The following PTGER4 variants were observed in gnomAD, a reference collection of about 807,000 sequenced individuals.
PTGER4 encodes the protein prostaglandin E2 receptor EP4 subtype.
PTGER4 carries 11 observed loss-of-function variants against 33.2 expected under a neutral mutation model. The ratio of observed to expected loss-of-function variants is 0.33; its 90% CI spans 0.21 to 0.55. The LOEUF is 0.55. PTGER4 is among the 20% of genes least tolerant of loss of function. The pLI is 0.92. For synonymous variants in PTGER4, 275 were observed against 281.5 expected (o/e 0.98, Z 0.23); for missense variants, 481 against 650.2 (o/e 0.74, Z 2.83).
chr5:40,690,280 C>T (rs1162387541), intron 2 of PTGER4, among the ~76,000 whole-genome samples: 1 of 152,172 alleles, frequency 6.6e-6, no homozygotes, highest in Non-Finnish European at 1.5e-5. Flanking sequence ...GTCAAGGCTG[C>T]AGTGAGCAAT....
At position 40,680,861 on chromosome 5, in the gene PTGER4, T is replaced by A. The variant is rs1264992604; in HGVS notation, c.-43-90T>A. On this transcript the variant is annotated intron_variant, in intron 1 of 2. Transcript: ENST00000302472. This position sits in a 1 kb window ranked among gnomAD's most constrained non-coding sequence, Gnocchi z 5.5. ...GGATCGAGTTGCTCCCCTTGTCTTA[T>A]CAGTGTATCGTTTCTCGGGCGCGGG... 13 of 1,140,570 alleles carry A rather than the reference T, an allele frequency of 1.1e-5. No individual in the cohort carries two copies. The Admixed American group carries it at 2.5e-4, about 22-fold the overall frequency. 70.7% of individuals were successfully genotyped at this position (1,140,570 alleles called of 1,614,324 possible).
chr5:40,700,664 C>A, the PTGER4 span, among the ~76,000 whole-genome samples: 1 of 152,198 alleles, frequency 6.6e-6, no homozygotes, highest in African/African-American at 2.4e-5. Context: ...TCTTCCTCTG[C>A]TGACTCTATG....
the PTGER4 span, among the ~76,000 whole-genome samples, chr5:40,729,557 T>C: frequency 6.6e-6 from 1 of 152,242 alleles, no homozygotes; most frequent in Non-Finnish European, 1.5e-5. Flanking sequence ...AAGCCATTTT[T>C]AGAAATATCT....
chr5:40,722,523 G>A, the PTGER4 span, among the ~76,000 whole-genome samples: 3 of 149,742 alleles, frequency 2.0e-5, no homozygotes, highest in Non-Finnish European at 4.4e-5. Context: ...CCACCTCCCC[G>A]TCTGGAATGT....
At chr5:40,693,927 T>A (rs1741531015), downstream of PTGER4, among the ~76,000 whole-genome samples, 1 of 152,216 alleles carries the variant, frequency 6.6e-6, no homozygotes, top group African/African-American at 2.4e-5. Context: ...CTCCAGTTTG[T>A]ATGGGTGATG....
At chr5:40,734,032 A>G in the PTGER4 span, among the ~76,000 whole-genome samples, 1 of 152,228 alleles carries the variant, frequency 6.6e-6, no homozygotes, top group Admixed American at 6.5e-5. Flanking sequence ...GCATCCCTCA[A>G]TGAAATGTGC....
chr5:40,700,420 C>A, the PTGER4 span, among the ~76,000 whole-genome samples: 1 of 152,216 alleles, frequency 6.6e-6, no homozygotes, highest in Admixed American at 6.5e-5. Flanking sequence ...CTTGGACTAA[C>A]GAAGGAGCAA....
chr5:40,738,545 AATAAAATAAAATAAAATAAAAT>A, the PTGER4 span, among the ~76,000 whole-genome samples: 4 of 124,040 alleles, frequency 3.2e-5, no homozygotes, highest in Non-Finnish European at 6.8e-5. Flanking sequence ...AATACAATAA[AATAAAATAAAATAAAATAAAAT>A]ATAAAATAAA....
the PTGER4 span, among the ~76,000 whole-genome samples, chr5:40,708,755 C>T: frequency 6.6e-6 from 1 of 152,058 alleles, no homozygotes; most frequent in Admixed American, 6.6e-5. Flanking sequence ...ACCAATATCC[C>T]TGATGAACAT....
the PTGER4 span, among the ~76,000 whole-genome samples, chr5:40,744,949 C>G: frequency 6.6e-6 from 1 of 152,096 alleles, no homozygotes; most frequent in Non-Finnish European, 1.5e-5. Flanking sequence ...ATGTTACCTA[C>G]GACATATACT....
downstream of PTGER4, among the ~76,000 whole-genome samples, chr5:40,693,910 T>G (rs573086432): frequency 1.3e-5 from 2 of 152,202 alleles, no homozygotes; most frequent in African/African-American, 4.8e-5. Flanking sequence ...GACACTTTAC[T>G]CAAAGCCTCC....
At chr5:40,684,129 C>G (rs1323255527) in intron 2 of PTGER4, among the ~76,000 whole-genome samples, 14 of 111,940 alleles carry the variant, frequency 1.3e-4, no homozygotes, top group Admixed American at 7.1e-4. Context: ...CACCCACCCC[C>G]CCCCCCACAA....
the PTGER4 span, among the ~76,000 whole-genome samples, chr5:40,707,780 A>G: frequency 6.6e-6 from 1 of 152,224 alleles, no homozygotes; most frequent in African/African-American, 2.4e-5. Flanking sequence ...CATAGTTGGA[A>G]GTAAAACACT....
the PTGER4 span, among the ~76,000 whole-genome samples, chr5:40,702,974 A>G: frequency 1.3e-5 from 2 of 152,250 alleles, no homozygotes; most frequent in African/African-American, 4.8e-5. Flanking sequence ...TAATGAGAAC[A>G]AAGATACAAC....
At chr5:40,741,314 C>A in the PTGER4 span, among the ~76,000 whole-genome samples, 1 of 152,106 alleles carries the variant, frequency 6.6e-6, no homozygotes, top group South Asian at 2.1e-4. Context: ...TAAGAAATAA[C>A]CCCCTGTGAC....
the PTGER4 span, chr5:40,716,050 G>T: frequency 3.0e-6 from 3 of 1,012,864 alleles, no homozygotes; most frequent in South Asian, 3.8e-5. Flanking sequence ...TTACAACCAG[G>T]CGTTCTCCTA....
At chr5:40,693,860 C>A (rs1741529542), downstream of PTGER4, 1 of 468,114 alleles carries the variant, frequency 2.1e-6, no homozygotes, top group Non-Finnish European at 2.8e-6. Flanking sequence ...AGAAATATTG[C>A]AAGAAAAGTA....
chr5:40,724,546 T>C, the PTGER4 span, among the ~76,000 whole-genome samples: 3 of 151,802 alleles, frequency 2.0e-5, no homozygotes, highest in African/African-American at 4.8e-5. Context: ...GGAACGAGAA[T>C]GGCTTGAACC....
intron 2 of PTGER4, among the ~76,000 whole-genome samples, chr5:40,684,123 C>T (rs1219660969): frequency 2.3e-5 from 1 of 42,718 alleles, no homozygotes; most frequent in African/African-American, 9.5e-5. Flanking sequence ...GCCACCCACC[C>T]ACCCCCCCCC....
Sources: gnomAD v4.1 joint callset for allele counts (sites outside exome capture counted in the v4.1 genomes callset) on GRCh38, gnomAD v4.1.1 for gene constraint, Gnocchi (gnomAD v3.1) non-coding constraint, MANE v1.5 for transcripts, NCBI Gene and HGNC (gene_info 2026-07-23, HGNC 2026-07-21) for gene names.